The following PTPRT variants were observed in gnomAD, a reference collection of about 807,000 sequenced individuals.
The protein encoded by PTPRT is protein tyrosine phosphatase receptor type T, also known as receptor-type tyrosine-protein phosphatase T.
Under a neutral mutation model 176.8 loss-of-function variants are expected in PTPRT, and 56 were observed. That is an observed-to-expected ratio of 0.32 (90% CI 0.26 to 0.40). PTPRT has a LOEUF of 0.40. Among genes scored for constraint, PTPRT ranks in the 10% least tolerant of loss-of-function variants. The pLI, the probability that PTPRT is intolerant of heterozygous loss-of-function variation, is 1.00. For missense variants in PTPRT, 1,540 were observed against 1,908.2 expected, an observed-to-expected ratio of 0.81 and a Z score of 3.60; for synonymous variants, 783 against 739.0, an observed-to-expected ratio of 1.06 and a Z score of -0.96.
chr20:42,770,661 C>G (rs1035343701), intron 5 of PTPRT, among the ~76,000 whole-genome samples: 3 of 152,190 alleles, frequency 2.0e-5, no homozygotes, highest in African/African-American at 7.2e-5. Context: ...AAGCGACTCT[C>G]TAATTTTACC....
intron 13 of PTPRT, among the ~76,000 whole-genome samples, chr20:42,278,073 CTATATATATATATATATATATATATATA>C (rs777694770): frequency 0.03 from 1,181 of 39,252 alleles, 64 homozygotes; most frequent in African/African-American, 0.063. Flanking sequence ...TGTAAGTAGA[CTATATATATATATATATATATATATATA>C]TATATATATA....
rs1298596104 is a variant in PTPRT at position 42,085,740 on chromosome 20, A to G, written c.3960T>C (p.Cys1320=). Residue 1320 remains cysteine (C), a synonymous_variant, in exon 28 of 31, where the codon TGT becomes TGC. Coordinates refer to ENST00000373187, the MANE Select transcript of PTPRT (RefSeq NM_007050.6). ...EDIIHRIFRI[C]NMARPQDGYR... is the part of the protein sequence containing the mutation. Reference sequence around the variant, plus strand: ...GCCGTGTACTTACCCGGGCCATGTTACAGATGCGGAATATTCTGTGGATGA... The same window carrying G: ...GCCGTGTACTTACCCGGGCCATGTTGCAGATGCGGAATATTCTGTGGATGA... The G allele has an allele frequency of 6.2e-7, 1 of 1,613,836 alleles. No individual in the cohort carries two copies. The highest frequency in any genetic ancestry group is 8.5e-7 in the Non-Finnish European group (1 of 1,180,018).
intron 1 of PTPRT, among the ~76,000 whole-genome samples, chr20:42,891,644 G>A (rs189893222): frequency 4.4e-4 from 67 of 152,260 alleles, no homozygotes; most frequent in Non-Finnish European, 4.6e-4. Context: ...GAAAATGAGA[G>A]AGGAATAGAA....
At chr20:42,771,358 T>C (rs1192906864) in intron 5 of PTPRT, 77 bp downstream of exon 5, 2 of 1,290,452 alleles carry the variant, frequency 1.5e-6, no homozygotes, top group Admixed American at 1.7e-5. Flanking sequence ...TGTGTTGCCA[T>C]AGAGCTGCTT....
intron 2 of PTPRT, among the ~76,000 whole-genome samples, chr20:42,840,060 G>T (rs999678469): frequency 2.0e-5 from 3 of 152,042 alleles, no homozygotes; most frequent in Non-Finnish European, 4.4e-5. Context: ...TCATACTATT[G>T]GGGGCCAGAA....
intron 27 of PTPRT, among the ~76,000 whole-genome samples, chr20:42,091,056 G>A (rs1984564322): frequency 6.6e-6 from 1 of 151,268 alleles, no homozygotes; most frequent in Non-Finnish European, 1.5e-5. Context: ...ACACACCGGG[G>A]AGAGGAAGTC....
chr20:42,383,472 C>G (rs1025152838), intron 9 of PTPRT, among the ~76,000 whole-genome samples: 2 of 151,614 alleles, frequency 1.3e-5, no homozygotes, highest in African/African-American at 4.8e-5. Flanking sequence ...AACCTTGAAG[C>G]AGTCTCACCA....
intron 7 of PTPRT, among the ~76,000 whole-genome samples, chr20:42,519,001 T>G (rs1432051121): frequency 4.6e-5 from 7 of 152,142 alleles, no homozygotes; most frequent in Non-Finnish European, 1.0e-4. Flanking sequence ...TTCCCCCATT[T>G]TAACATCTTC....
intron 1 of PTPRT, among the ~76,000 whole-genome samples, chr20:42,974,729 T>C (rs1198160907): frequency 2.0e-5 from 3 of 152,268 alleles, no homozygotes; most frequent in Non-Finnish European, 4.4e-5. Context: ...TTTGACTGTA[T>C]TCGCATTACC....
At chr20:42,877,881 C>T (rs2078960259) in intron 2 of PTPRT, among the ~76,000 whole-genome samples, 1 of 152,108 alleles carries the variant, frequency 6.6e-6, no homozygotes, top group Non-Finnish European at 1.5e-5. Flanking sequence ...AAGCTAAGAG[C>T]TAGAACAAGG....
intron 11 of PTPRT, among the ~76,000 whole-genome samples, chr20:42,318,180 C>G (rs75223843): frequency 0.015 from 2,309 of 152,224 alleles, 54 homozygotes; most frequent in African/African-American, 0.053. Context: ...AGTCAATAAA[C>G]GTTTAAATTA....
intron 1 of PTPRT, among the ~76,000 whole-genome samples, chr20:43,144,776 A>AC (rs776432748): frequency 2.2e-4 from 33 of 151,886 alleles, no homozygotes; most frequent in Non-Finnish European, 4.4e-4. Context: ...TATACTAAAA[A>AC]CCGTTGAATT....
intron 1 of PTPRT, among the ~76,000 whole-genome samples, chr20:42,930,213 G>T (rs1315325246): frequency 2.0e-5 from 3 of 152,234 alleles, no homozygotes; most frequent in Non-Finnish European, 4.4e-5. Flanking sequence ...GCAGCCTGCA[G>T]CATCAGTGAG....
chr20:42,935,154 T>A (rs1270759156), intron 1 of PTPRT, among the ~76,000 whole-genome samples: 1 of 125,800 alleles, frequency 7.9e-6, no homozygotes, highest in African/African-American at 3.5e-5. Context: ...ATAATTTTTT[T>A]TTTTTTTTTT....
intron 20 of PTPRT, among the ~76,000 whole-genome samples, chr20:42,118,947 G>C (rs2146325863): frequency 7.1e-6 from 1 of 141,224 alleles, no homozygotes; most frequent in Middle Eastern, 3.9e-3. Flanking sequence ...ACAAAAACAG[G>C]AGATGCCTGA....
At chr20:42,615,398 T>C (rs1410981446) in intron 7 of PTPRT, among the ~76,000 whole-genome samples, 3,753 of 136,460 alleles carry the variant, frequency 0.028, 943 homozygotes, top group African/African-American at 0.12. Flanking sequence ...AATAAACATA[T>C]GTGTGCATGT....
At position 42,900,725 on chromosome 20, in the gene PTPRT, C is replaced by T. The variant is rs540106243; in HGVS notation, c.89-14793G>A. On this transcript the variant is annotated intron_variant, in intron 1 of 30. Coordinates refer to ENST00000373187, the MANE Select transcript of PTPRT (RefSeq NM_007050.6). ...AGAAGCTGAGGCAGGGCTTGCATGT[C>T]TGACATACTGTAAAAGAGTCTTGGA... Among the ~76,000 whole-genome samples, 58 of 152,276 alleles carry T rather than the reference C, an allele frequency of 3.8e-4. 1 individual carries two copies. The highest frequency in any genetic ancestry group is 1.3e-3 in the African/African-American group (55 of 41,544).
intron 6 of PTPRT, among the ~76,000 whole-genome samples, chr20:42,720,260 T>C (rs926750373): frequency 6.6e-6 from 1 of 152,220 alleles, no homozygotes. Context: ...TGATATCATG[T>C]GTATCCCTTA....
intron 7 of PTPRT, among the ~76,000 whole-genome samples, chr20:42,610,528 G>A (rs996430955): frequency 6.6e-6 from 1 of 151,856 alleles, no homozygotes; most frequent in African/African-American, 2.4e-5. Context: ...CCTGAAATAT[G>A]TAGATTTGAA....
Sources: gnomAD v4.1 joint callset for allele counts (sites outside exome capture counted in the v4.1 genomes callset) on GRCh38, gnomAD v4.1.1 for gene constraint, MANE v1.5 for transcripts, NCBI Gene and HGNC (gene_info 2026-07-23, HGNC 2026-07-21) for gene names.